Variants in CASR observed in about 807,000 individuals in gnomAD.
The protein encoded by CASR is calcium sensing receptor.
CASR carries 23 observed loss-of-function variants against 69.1 expected under a neutral mutation model. The ratio of observed to expected loss-of-function variants is 0.33; its 90% CI spans 0.24 to 0.47. The LOEUF (loss-of-function observed/expected upper bound fraction) is 0.47. CASR is among the 20% of genes least tolerant of loss of function. CASR has a pLI of 1.00. For synonymous variants in CASR, 541 were observed against 544.7 expected (o/e 0.99, Z 0.10); for missense variants, 924 against 1,356.1 (o/e 0.68, Z 5.00).
intron 1 of CASR, among the ~76,000 whole-genome samples, chr3:122,241,150 C>CA (rs2074375397): frequency 6.6e-6 from 1 of 151,188 alleles, no homozygotes; most frequent in Admixed American, 6.6e-5. Flanking sequence ...AAACCAAACT[C>CA]AAAATTAGTA....
chr3:122,254,638 A>G lies in CASR; in HGVS notation c.185+264A>G, dbSNP rs542284053. Among the ~76,000 whole-genome samples, 4 of 152,256 alleles carry G rather than the reference A, an allele frequency of 2.6e-5. No homozygotes were observed. In the South Asian group the frequency reaches 8.3e-4, roughly 32 times the overall value. On this transcript the variant is annotated intron_variant, in intron 2 of 6. Coordinates refer to ENST00000639785, the MANE Select transcript of CASR (RefSeq NM_000388.4). ...CTGGTGGTCATTTGGTGACCAAGTT[A>G]TCATCGTTCACCTGGCAGCAGTGTT...
At chr3:122,228,492 C>T (rs969056043) in intron 1 of CASR, among the ~76,000 whole-genome samples, 1 of 152,134 alleles carries the variant, frequency 6.6e-6, no homozygotes, top group African/African-American at 2.4e-5. Flanking sequence ...GTAGTATTAA[C>T]CAGGTGCAGA....
At chr3:122,260,987 G>A (rs776088781) in intron 3 of CASR, among the ~76,000 whole-genome samples, 9 of 152,156 alleles carry the variant, frequency 5.9e-5, no homozygotes, top group Admixed American at 4.6e-4. Context: ...GGGAATTCCC[G>A]GGGACTCCTC....
chr3:122,228,249 C>T (rs1163194073), intron 1 of CASR, among the ~76,000 whole-genome samples: 1 of 152,200 alleles, frequency 6.6e-6, no homozygotes, highest in Non-Finnish European at 1.5e-5. Context: ...ATCTTTTCTT[C>T]CTAGGTCTAG....
chr3:122,269,258 T>C (rs554453139), intron 4 of CASR, among the ~76,000 whole-genome samples: 5 of 152,390 alleles, frequency 3.3e-5, no homozygotes, highest in African/African-American at 1.2e-4. Context: ...ACTCCCAGTA[T>C]AATCTTGTAT....
chr3:122,196,081 A>G (rs1214894204), intron 1 of CASR, among the ~76,000 whole-genome samples: 1 of 152,228 alleles, frequency 6.6e-6, no homozygotes, highest in African/African-American at 2.4e-5. Flanking sequence ...TCTATGCCCA[A>G]TAAAAGAGAA....
chr3:122,217,278 T>A (rs1001991213), intron 1 of CASR, among the ~76,000 whole-genome samples: 3 of 152,062 alleles, frequency 2.0e-5, no homozygotes, highest in Non-Finnish European at 4.4e-5. Context: ...TTTTTGTAGT[T>A]TTTTGTAGAG....
At chr3:122,270,208 A>T (rs2074743393) in intron 4 of CASR, among the ~76,000 whole-genome samples, 1 of 152,146 alleles carries the variant, frequency 6.6e-6, no homozygotes, top group Non-Finnish European at 1.5e-5. Flanking sequence ...GGTATATATG[A>T]GTCAGCTTTG....
At chr3:122,252,409 A>AAAAGAAAG (rs1553765627) in intron 1 of CASR, among the ~76,000 whole-genome samples, 174 of 6,456 alleles carry the variant, frequency 0.027, 35 homozygotes, top group Middle Eastern at 0.083. Flanking sequence ...GAAGGAAGGA[A>AAAAGAAAG]AAAGAAAGAA....
intron 6 of CASR, among the ~76,000 whole-genome samples, chr3:122,283,059 G>A (rs1227594349): frequency 2.0e-5 from 3 of 152,348 alleles, no homozygotes; most frequent in East Asian, 3.9e-4. Context: ...TCAAAAAGCT[G>A]TGGATGTGGA....
At chr3:122,232,341 G>C (rs987843946) in intron 1 of CASR, among the ~76,000 whole-genome samples, 10 of 152,172 alleles carry the variant, frequency 6.6e-5, no homozygotes, top group Admixed American at 3.3e-4. Flanking sequence ...GAGAGCACGA[G>C]AGTGAGGCCT....
At position 122,262,179 on chromosome 3, in the gene CASR, G is replaced by A. The variant is rs199980578; in HGVS notation, c.1144G>A (p.Asp382Asn). 1.5e-5 allele frequency: 24 copies of A among 1,614,160 alleles called. No homozygotes were observed. Among genetic ancestry groups the A allele is most frequent in the Non-Finnish European group, 1.9e-5 (23 of 1,180,020 alleles). ...TFLRGHEESG[D>N]RFSNSSTAFR... ...TCTGAGAGGTCACGAAGAAAGTGGC[G>A]ACAGGTTTAGCAACAGCTCGACAGC... The change falls in exon 4 of 7, where the codon GAC (aspartate) becomes AAC (asparagine). Residue 382 changes from aspartate to asparagine, a missense_variant. Asp to Asn is a conservative substitution (Grantham distance 23). This residue lies in a region of CASR where 310 missense variants were observed against 395.7 expected (regional missense o/e 0.78). Transcript: ENST00000639785.
At chr3:122,256,661 A>G (rs2074557738) in intron 2 of CASR, among the ~76,000 whole-genome samples, 1 of 152,178 alleles carries the variant, frequency 6.6e-6, no homozygotes, top group African/African-American at 2.4e-5. Context: ...GCTATCACCC[A>G]GGCTGGAGTG....
In CASR at chr3:122,216,114, T is replaced by C. The variant is rs547708623; in HGVS notation, c.-243+32302T>C. Among the ~76,000 whole-genome samples the C allele has an allele frequency of 2.0e-5, 3 of 152,328 alleles. No homozygotes were observed. In the East Asian group the frequency reaches 5.8e-4, roughly 29 times the overall value. On this transcript the variant is annotated intron_variant, in intron 1 of 6. Coordinates refer to ENST00000639785, the MANE Select transcript of CASR (RefSeq NM_000388.4). Reference sequence around the variant, plus strand: ...TTAAGCCCTATACAAATGTTAGGCATTACTGCTTAAGTATATTTGTCAAAT... The same window carrying C: ...TTAAGCCCTATACAAATGTTAGGCACTACTGCTTAAGTATATTTGTCAAAT...
At chr3:122,255,407 G>T (rs774678625) in intron 2 of CASR, among the ~76,000 whole-genome samples, 1 of 152,160 alleles carries the variant, frequency 6.6e-6, no homozygotes, top group African/African-American at 2.4e-5. Context: ...CAATAAAACT[G>T]GATTTCTGTT....
chr3:122,239,067 T>C (rs1371117151), intron 1 of CASR, among the ~76,000 whole-genome samples: 2 of 152,114 alleles, frequency 1.3e-5, no homozygotes, highest in Non-Finnish European at 2.9e-5. Context: ...TTCTTGCTGG[T>C]ACCTTAGGTA....
intron 1 of CASR, among the ~76,000 whole-genome samples, chr3:122,232,556 T>C (rs539316295): frequency 1.3e-5 from 2 of 152,166 alleles, no homozygotes; most frequent in South Asian, 4.1e-4. Flanking sequence ...GAGGGCAGGC[T>C]AGGTGCCAAG....
intron 4 of CASR, among the ~76,000 whole-genome samples, chr3:122,266,445 T>C (rs887232698): frequency 6.6e-6 from 1 of 152,022 alleles, no homozygotes; most frequent in African/African-American, 2.4e-5. Context: ...GTTTTGTTTT[T>C]TTGAGGCAGA....
In CASR at chr3:122,290,010, G is replaced by A. The variant is rs1020649625; in HGVS notation, c.*4819G>A. 10 of 151,306 alleles carry A rather than the reference G, an allele frequency of 6.6e-5. No homozygotes were observed. Among genetic ancestry groups the A allele is most frequent in the African/African-American group, 2.2e-4 (9 of 41,118 alleles). The allele number at this position is 151,306 out of a possible 1,614,324, so 9.4% of individuals were successfully genotyped here. ...GGTGGGGGGATCTGCTTGAGCCCAG[G>A]AGGTGAAGGCTGCATTGAGCTGTGA... On this transcript the variant is annotated 3_prime_UTR_variant, in exon 7 of 7. Transcript: ENST00000639785.
Sources: gnomAD v4.1 joint callset for allele counts (sites outside exome capture counted in the v4.1 genomes callset) on GRCh38, gnomAD v4.1.1 for gene constraint, gnomAD v4.1.1 regional missense constraint, MANE v1.5 for transcripts, NCBI Gene and HGNC (gene_info 2026-07-23, HGNC 2026-07-21) for gene names.